Variants in MEIS2 observed in about 807,000 individuals in gnomAD.
MEIS2 encodes Meis homeobox 2, also known as homeobox protein Meis2.
MEIS2 carries 9 observed loss-of-function variants against 58.6 expected under a neutral mutation model. The observed-to-expected ratio is 0.15, with a 90% CI of 0.09 to 0.27. The LOEUF (loss-of-function observed/expected upper bound fraction) is 0.27. Among genes scored for constraint, MEIS2 ranks in the 10% least tolerant of loss-of-function variants. The pLI is 1.00. For missense variants in MEIS2, 427 were observed against 635.0 expected (o/e 0.67, Z 3.52); for synonymous variants, 221 against 228.4 (o/e 0.97, Z 0.29).
At chr15:36,982,872 G>A (rs1241070432) in intron 8 of MEIS2, among the ~76,000 whole-genome samples, 1 of 152,012 alleles carries the variant, frequency 6.6e-6, no homozygotes, top group Non-Finnish European at 1.5e-5. Context: ...TCTCATTGTG[G>A]TTTTGATTTA....
rs944116128 is a variant in MEIS2 at position 36,930,233 on chromosome 15, G to GA, written c.977+20090dup. Among the ~76,000 whole-genome samples, 736 of 137,460 alleles carry GA rather than the reference G, an allele frequency of 5.4e-3. 5 individuals are homozygous for GA. The highest frequency in any genetic ancestry group is 0.019 in the African/African-American group (699 of 36,170). 90.2% of individuals were successfully genotyped at this position (137,460 alleles called of 152,430 possible). ...AAAAAAAAAAAAAGAGAGAGAGAGAGAAAAAAAAAGTTATCCACAGAGAAT... is the reference window on the plus strand; with the variant it reads ...AAAAAAAAAAAAAGAGAGAGAGAGAGAAAAAAAAAAGTTATCCACAGAGAAT... On this transcript the variant is annotated intron_variant, in intron 9 of 11. Transcript: ENST00000561208.
chr15:37,019,840 G>T (rs1480540175), intron 8 of MEIS2, among the ~76,000 whole-genome samples: 1 of 152,214 alleles, frequency 6.6e-6, no homozygotes, highest in Non-Finnish European at 1.5e-5. Flanking sequence ...TGGCTTTCAA[G>T]TGCTGTGGGA....
At chr15:37,077,132 G>T (rs541583324) in intron 7 of MEIS2, among the ~76,000 whole-genome samples, 1 of 152,136 alleles carries the variant, frequency 6.6e-6, no homozygotes, top group East Asian at 1.9e-4. Flanking sequence ...AATTTGACAC[G>T]AGATGTACTA....
chr15:37,083,474 T>C (rs550252026), intron 7 of MEIS2, among the ~76,000 whole-genome samples: 41 of 152,332 alleles, frequency 2.7e-4, no homozygotes, highest in Admixed American at 9.8e-4. Context: ...AGCAGGCCTG[T>C]GATTCCACTT....
chr15:37,046,553 T>C (rs373621605), intron 7 of MEIS2, among the ~76,000 whole-genome samples: 1 of 152,134 alleles, frequency 6.6e-6, no homozygotes, highest in South Asian at 2.1e-4. Flanking sequence ...TGGACACATA[T>C]GTAAATGTGG....
At chr15:36,991,991 T>G (rs375296282) in intron 8 of MEIS2, among the ~76,000 whole-genome samples, 3,693 of 150,512 alleles carry the variant, frequency 0.025, 76 homozygotes, top group Non-Finnish European at 0.036. Flanking sequence ...GTTTCACCGT[T>G]TTAGCCAGGA....
chr15:37,101,221 C>A (rs1258507523), upstream of MEIS2: 1 of 152,372 alleles, frequency 6.6e-6, no homozygotes, highest in African/African-American at 2.4e-5. Flanking sequence ...CAAGGGGCCA[C>A]CCCGAGAGTC....
intron 9 of MEIS2, among the ~76,000 whole-genome samples, chr15:36,905,849 T>C (rs1408476242): frequency 6.6e-6 from 1 of 152,236 alleles, no homozygotes; most frequent in East Asian, 1.9e-4. Flanking sequence ...TAAAGATTTT[T>C]ATTTTCCACA....
At chr15:36,915,304 G>A (rs1357410277) in intron 9 of MEIS2, among the ~76,000 whole-genome samples, 2 of 151,992 alleles carry the variant, frequency 1.3e-5, no homozygotes, top group Non-Finnish European at 2.9e-5. Context: ...GAAAAAGCTT[G>A]GATTTCAGTT....
intron 9 of MEIS2, among the ~76,000 whole-genome samples, chr15:36,937,370 G>A (rs976490278): frequency 6.6e-6 from 1 of 152,042 alleles, no homozygotes; most frequent in East Asian, 1.9e-4. Flanking sequence ...TTTGTGAAAC[G>A]CTACATGTAA....
intron 8 of MEIS2, among the ~76,000 whole-genome samples, chr15:36,971,553 A>AAAAAG (rs2059568998): frequency 1.5e-5 from 2 of 131,994 alleles, no homozygotes; most frequent in Admixed American, 7.8e-5. Flanking sequence ...AAAAAAAAAA[A>AAAAAG]AAAAAAAAAA....
At chr15:37,033,444 C>A (rs1425511624) in intron 8 of MEIS2, among the ~76,000 whole-genome samples, 1 of 152,010 alleles carries the variant, frequency 6.6e-6, no homozygotes, top group Non-Finnish European at 1.5e-5. Flanking sequence ...ATTCAATTAG[C>A]TTCTTTTTTA....
At chr15:37,011,361 T>G (rs1419679549) in intron 8 of MEIS2, among the ~76,000 whole-genome samples, 1 of 152,114 alleles carries the variant, frequency 6.6e-6, no homozygotes, top group Non-Finnish European at 1.5e-5. Context: ...ATAGTTGAAA[T>G]TTTCCAGGAT....
intron 9 of MEIS2, among the ~76,000 whole-genome samples, chr15:36,918,093 G>C (rs966362048): frequency 2.6e-5 from 4 of 152,148 alleles, no homozygotes; most frequent in Non-Finnish European, 5.9e-5. Flanking sequence ...GAAGTAAATA[G>C]AGAAGAGACT....
At chr15:37,015,691 A>T (rs973362847) in intron 8 of MEIS2, among the ~76,000 whole-genome samples, 5 of 152,054 alleles carry the variant, frequency 3.3e-5, no homozygotes, top group Non-Finnish European at 7.4e-5. Flanking sequence ...GGCACTCATG[A>T]ATATTCATAG....
At chr15:37,101,024 C>CTT (rs1895061352), upstream of MEIS2, 1 of 151,996 alleles carries the variant, frequency 6.6e-6, no homozygotes, top group African/African-American at 2.4e-5. Context: ...ATTACAGCAC[C>CTT]CCGAAGGCTT....
At chr15:37,031,221 G>A (rs898980239) in intron 8 of MEIS2, among the ~76,000 whole-genome samples, 2 of 152,086 alleles carry the variant, frequency 1.3e-5, no homozygotes, top group African/African-American at 4.8e-5. Flanking sequence ...CGCAGAGAGG[G>A]TAATGGCTCA....
At position 36,892,434 on chromosome 15, in the gene MEIS2, GT is replaced by G; in HGVS notation, c.1172del (p.Tyr391SerfsTer10). On this transcript the variant is annotated frameshift_variant, in exon 12 of 12. Transcript: ENST00000561208. LOFTEE classifies it high-confidence loss of function. ...PAGLQSMPGD[Y>X]VSQGGPMGMS... ...TTCCCATAGGACCACCCTGAGAAAC[GT>G]AGTCCCCTGGCATGCTCTGCAAACC... is the stretch of plus-strand genomic sequence containing the variant. 1.2e-6 allele frequency: 2 copies of G among 1,612,998 alleles called. No homozygotes were observed. The highest frequency in any genetic ancestry group is 1.7e-6 in the Non-Finnish European group (2 of 1,179,802).
At chr15:36,938,893 C>T (rs1429512036) in intron 9 of MEIS2, among the ~76,000 whole-genome samples, 1 of 152,178 alleles carries the variant, frequency 6.6e-6, no homozygotes, top group Non-Finnish European at 1.5e-5. Context: ...TTCTCTTTCA[C>T]GCACCACACT....
Sources: allele counts gnomAD v4.1 joint callset (sites outside exome capture counted in the v4.1 genomes callset), GRCh38; gene constraint gnomAD v4.1.1; transcripts MANE v1.5; gene names NCBI Gene and HGNC (gene_info 2026-07-23, HGNC 2026-07-21).